The following PCCB variants were observed in gnomAD, a reference collection of about 807,000 sequenced individuals.
PCCB encodes the protein propionyl-CoA carboxylase subunit beta, also known as propionyl-CoA carboxylase beta chain, mitochondrial.
In PCCB, 43 loss-of-function variants were observed where a neutral mutation model predicts 60.7. The observed-to-expected ratio is 0.71, with a 90% confidence interval of 0.55 to 0.91. PCCB has a LOEUF of 0.91. Among genes scored for constraint, PCCB ranks in the 40% least tolerant of loss-of-function variants. The pLI is 0.00. For missense variants in PCCB, 766 were observed against 702.8 expected, an observed-to-expected ratio of 1.09 and a Z score of -1.02; for synonymous variants, 276 against 255.9, an observed-to-expected ratio of 1.08 and a Z score of -0.75.
chr3:136,254,518 C>CTTTTTTTTTTT lies in PCCB; in HGVS notation c.184-1318_184-1308dup, dbSNP rs3994953. On this transcript the variant is annotated intron_variant, in intron 1 of 14. Transcript: ENST00000251654. ...TACAGGTGTGAGCCACTGCGGCTAG[C>CTTTTTTTTTTT]TTTTTTTTTTTTTTTTTTTTTTTTT... 4.4e-5 allele frequency among the ~76,000 whole-genome samples: 2 copies of CTTTTTTTTTTT among 45,928 alleles called. 1 individual carries two copies. The highest frequency in any genetic ancestry group is 2.5e-3 in the South Asian group (2 of 802). 30.1% of individuals were successfully genotyped at this position (45,928 alleles called of 152,430 possible).
chr3:136,290,971 C>T (rs1240621625), intron 6 of PCCB, among the ~76,000 whole-genome samples: 1 of 151,832 alleles, frequency 6.6e-6, no homozygotes, highest in Non-Finnish European at 1.5e-5. Flanking sequence ...AGATTCTTTC[C>T]TCAAGCATGC....
intron 14 of PCCB, among the ~76,000 whole-genome samples, chr3:136,329,190 AT>A (rs2108240800): frequency 6.6e-6 from 1 of 152,266 alleles, no homozygotes; most frequent in East Asian, 1.9e-4. Context: ...GGGGTCCACA[AT>A]TTGGTCTGGG....
chr3:136,317,812 C>T lies in PCCB; in HGVS notation c.1090+748C>T, dbSNP rs761673236. 5.9e-4 allele frequency among the ~76,000 whole-genome samples: 90 copies of T among 152,172 alleles called. 1 individual carries two copies. The highest frequency in any genetic ancestry group is 9.4e-4 in the Non-Finnish European group (64 of 68,030). On this transcript the variant is annotated intron_variant, in intron 10 of 14. Transcript: ENST00000251654. ...ATGGCATCTTACCATGTCTGTGCCC[C>T]ACAGCTTTCTGGTGATATGGCCAGA... is the stretch of plus-strand genomic sequence containing the variant.
intron 10 of PCCB, among the ~76,000 whole-genome samples, chr3:136,321,920 C>T (rs1193659355): frequency 6.6e-6 from 1 of 152,170 alleles, no homozygotes; most frequent in Non-Finnish European, 1.5e-5. Flanking sequence ...ACAATTTTGT[C>T]ATCTGTGAAC....
At chr3:136,316,612 G>A (rs956246954) in intron 9 of PCCB, among the ~76,000 whole-genome samples, 3 of 152,146 alleles carry the variant, frequency 2.0e-5, no homozygotes, top group African/African-American at 7.2e-5. Context: ...CACTGGGCCC[G>A]GCCTGACATT....
chr3:136,283,721 T>C, intron 5 of PCCB, 116 bp from the exon 6 acceptor site: 1 of 727,432 alleles, frequency 1.4e-6, no homozygotes, highest in Non-Finnish European at 2.5e-6. Context: ...TTGCCTCCTG[T>C]ATAGAATTTC....
rs550434719 is a variant in PCCB, at chr3:136,299,388, GTATA to G, written c.884+1318_884+1321del. ...TGCATAGGTATATATGCATATGTAT[GTATA>G]TGTATGCTTATGTATATGCATATGT... On this transcript the variant is annotated intron_variant, in intron 8 of 14. Coordinates refer to ENST00000251654, the MANE Select transcript of PCCB (RefSeq NM_000532.5). Among the ~76,000 whole-genome samples the G allele has an allele frequency of 1.5e-3, 224 of 152,006 alleles. 3 individuals carry two copies. Among genetic ancestry groups the G allele is most frequent in the Admixed American group, 0.013 (191 of 15,276 alleles).
intron 5 of PCCB, among the ~76,000 whole-genome samples, chr3:136,269,149 T>TA (rs1942118654): frequency 1.3e-5 from 2 of 152,024 alleles, no homozygotes; most frequent in African/African-American, 4.8e-5. Context: ...GGTGTTGTGG[T>TA]GCATGCCTGT....
chr3:136,317,890 G>C (rs985959585), intron 10 of PCCB, among the ~76,000 whole-genome samples: 2 of 152,210 alleles, frequency 1.3e-5, no homozygotes, highest in Non-Finnish European at 2.9e-5. Context: ...CTCTGGGAGG[G>C]ATTGGGAGTG....
chr3:136,269,659 G>A (rs764595082), intron 5 of PCCB, among the ~76,000 whole-genome samples: 2 of 152,028 alleles, frequency 1.3e-5, no homozygotes, highest in Non-Finnish European at 2.9e-5. Context: ...GCCGAGGTGG[G>A]CATATCACGA....
chr3:136,303,167 A>G lies in PCCB; in HGVS notation c.966+2056A>G, dbSNP rs1323716239. ...TGTCTTGCATTGGCTACAACTCCCTATATGTCAAATGTAATGGTGAATCAT... is the reference window on the plus strand; with the variant it reads ...TGTCTTGCATTGGCTACAACTCCCTGTATGTCAAATGTAATGGTGAATCAT... On this transcript the variant is annotated intron_variant, in intron 9 of 14. Coordinates refer to ENST00000251654, the MANE Select transcript of PCCB (RefSeq NM_000532.5). Among the ~76,000 whole-genome samples, 3 of 123,002 alleles carry G rather than the reference A, an allele frequency of 2.4e-5. 1 individual carries two copies. Among genetic ancestry groups the G allele is most frequent in the Non-Finnish European group, 5.4e-5 (3 of 55,078 alleles). The allele number at this position is 123,002 out of a possible 152,430, so 80.7% of individuals were successfully genotyped here. A position where few individuals can be genotyped will look rare whatever the true frequency, so the allele number is the denominator to read the frequency against.
At chr3:136,290,846 T>G (rs761471917) in intron 6 of PCCB, among the ~76,000 whole-genome samples, 1 of 151,572 alleles carries the variant, frequency 6.6e-6, no homozygotes, top group Non-Finnish European at 1.5e-5. Context: ...TTACATCGTT[T>G]GTAATTTGTG....
intron 5 of PCCB, among the ~76,000 whole-genome samples, chr3:136,273,901 G>A (rs1942272358): frequency 9.8e-6 from 1 of 101,984 alleles, no homozygotes; most frequent in African/African-American, 3.7e-5. Flanking sequence ...GACAGAGGGA[G>A]ACTCTGTCTC....
chr3:136,325,997 A>G (rs1310746535), intron 10 of PCCB, among the ~76,000 whole-genome samples: 3 of 151,872 alleles, frequency 2.0e-5, no homozygotes, highest in Admixed American at 6.6e-5. Context: ...TATTTTTAGT[A>G]GAGACAGGGT....
intron 5 of PCCB, among the ~76,000 whole-genome samples, chr3:136,269,680 T>TA (rs2108160854): frequency 6.6e-6 from 1 of 152,070 alleles, no homozygotes; most frequent in South Asian, 2.1e-4. Flanking sequence ...GGTCAGGAGA[T>TA]AGAGACCATC....
chr3:136,263,650 C>T (rs768598414), intron 5 of PCCB, among the ~76,000 whole-genome samples: 31 of 152,100 alleles, frequency 2.0e-4, no homozygotes, highest in Non-Finnish European at 3.8e-4. Context: ...TGCTGCTTGT[C>T]ATATTGATAC....
chr3:136,293,360 A>C (rs1933785978), intron 6 of PCCB, among the ~76,000 whole-genome samples: 1 of 152,214 alleles, frequency 6.6e-6, no homozygotes, highest in African/African-American at 2.4e-5. Flanking sequence ...TACAGTCTCC[A>C]TATCTCAGTT....
chr3:136,289,437 T>G (rs1363252896), intron 6 of PCCB, among the ~76,000 whole-genome samples: 1 of 152,234 alleles, frequency 6.6e-6, no homozygotes, highest in Non-Finnish European at 1.5e-5. Flanking sequence ...CTTTCTGAAA[T>G]TAATATAGCT....
In PCCB at chr3:136,301,117, T is replaced by A. The variant is rs1207943045; in HGVS notation, c.966+6T>A. ...TGGTGGACATCATACACTCTGTAAG[T>A]GCCACATCTGTTTGTCTTGCCTGTC... On this transcript the variant is annotated splice_donor_region_variant and intron_variant, in intron 9 of 14. Coordinates refer to ENST00000251654, the MANE Select transcript of PCCB (RefSeq NM_000532.5). The A allele has an allele frequency of 6.2e-7, 1 of 1,605,796 alleles. No individual in the cohort carries two copies. The highest frequency in any genetic ancestry group is 8.5e-7 in the Non-Finnish European group (1 of 1,172,396).
Sources: allele counts gnomAD v4.1 joint callset (sites outside exome capture counted in the v4.1 genomes callset), GRCh38; gene constraint gnomAD v4.1.1; transcripts MANE v1.5; gene names NCBI Gene and HGNC (gene_info 2026-07-23, HGNC 2026-07-21).